NKAIN2: variants seen among roughly 807,000 people sequenced by gnomAD.
The protein encoded by NKAIN2 is sodium/potassium transporting ATPase interacting 2.
A neutral mutation model predicts 32.6 loss-of-function variants in NKAIN2; 14 were observed. The ratio of observed to expected loss-of-function variants is 0.43; its 90% CI spans 0.28 to 0.67. The LOEUF (loss-of-function observed/expected upper bound fraction) is 0.67, where lower values mean the gene tolerates loss of function less well. Ranked by LOEUF, NKAIN2 falls within the 30% of genes least tolerant of loss-of-function variation. The pLI, the probability that NKAIN2 is intolerant of heterozygous loss-of-function variation, is 0.17. For missense variants in NKAIN2, 198 were observed against 258.3 expected, an observed-to-expected ratio of 0.77 and a Z score of 1.60; for synonymous variants, 80 against 87.2, an observed-to-expected ratio of 0.92 and a Z score of 0.46.
chr6:124,629,350 A>G (rs1205473862), intron 3 of NKAIN2, among the ~76,000 whole-genome samples: 5 of 152,138 alleles, frequency 3.3e-5, no homozygotes, highest in Non-Finnish European at 4.4e-5. Flanking sequence ...TCCTAGCCCA[A>G]TGATTGACAG....
At chr6:123,983,494 AT>A (rs1244076606) in intron 1 of NKAIN2, among the ~76,000 whole-genome samples, 1 of 152,198 alleles carries the variant, frequency 6.6e-6, no homozygotes, top group Non-Finnish European at 1.5e-5. Context: ...AAAGAGACTT[AT>A]GTTTTTCATC....
At chr6:124,710,437 G>A (rs896806851) in intron 4 of NKAIN2, among the ~76,000 whole-genome samples, 133 of 150,824 alleles carry the variant, frequency 8.8e-4, no homozygotes, top group African/African-American at 3.1e-3. Flanking sequence ...GGGTGTTAAA[G>A]TCTCCCATTA....
chr6:124,453,248 C>T (rs1379659772), intron 3 of NKAIN2, among the ~76,000 whole-genome samples: 2 of 150,796 alleles, frequency 1.3e-5, no homozygotes, highest in Non-Finnish European at 3.0e-5. Context: ...ACCCCAGCTT[C>T]TTCCTTTTTT....
intron 1 of NKAIN2, among the ~76,000 whole-genome samples, chr6:124,022,284 C>G (rs1005759821): frequency 2.0e-5 from 3 of 152,082 alleles, no homozygotes; most frequent in African/African-American, 7.2e-5. Context: ...TTTCTTAATC[C>G]AGTCTATCAT....
At chr6:124,514,781 A>G (rs1177783202) in intron 3 of NKAIN2, among the ~76,000 whole-genome samples, 2 of 151,250 alleles carry the variant, frequency 1.3e-5, no homozygotes, top group Non-Finnish European at 2.9e-5. Context: ...AAAAAAAAAA[A>G]GCTCATGCCT....
chr6:124,360,496 G>A lies in NKAIN2; in HGVS notation c.273+5149G>A, dbSNP rs140377515. On this transcript the variant is annotated intron_variant, in intron 3 of 6. Transcript: ENST00000368417. ...TGATCATGTTTTCTTTGTACACATA[G>A]AGGTATAGTTAATATATTTTCTTCA... 6.6e-4 allele frequency among the ~76,000 whole-genome samples: 100 copies of A among 152,100 alleles called. 1 individual carries two copies. Among genetic ancestry groups the A allele is most frequent in the African/African-American group, 2.3e-3 (94 of 41,516 alleles).
At chr6:124,685,384 C>A (rs1457271634) in intron 4 of NKAIN2, among the ~76,000 whole-genome samples, 1 of 152,080 alleles carries the variant, frequency 6.6e-6, no homozygotes, top group Non-Finnish European at 1.5e-5. Context: ...AGTGGTTTCT[C>A]AAAATTTGAT....
chr6:124,565,462 T>A (rs932623291), intron 3 of NKAIN2, among the ~76,000 whole-genome samples: 1 of 152,228 alleles, frequency 6.6e-6, no homozygotes, highest in Non-Finnish European at 1.5e-5. Context: ...TATTGTAATG[T>A]GATATGTCGA....
At chr6:124,032,898 G>A (rs1035265343) in intron 1 of NKAIN2, among the ~76,000 whole-genome samples, 11 of 151,872 alleles carry the variant, frequency 7.2e-5, no homozygotes, top group African/African-American at 2.4e-4. Context: ...ATGTTTGTTT[G>A]CCTAATGTTC....
chr6:123,815,831 T>C (rs1773671116), intron 1 of NKAIN2, among the ~76,000 whole-genome samples: 1 of 151,922 alleles, frequency 6.6e-6, no homozygotes, highest in Non-Finnish European at 1.5e-5. Context: ...TGTGCAAGAA[T>C]GTGTGTGTGT....
At chr6:124,347,619 G>A (rs1371713424) in intron 2 of NKAIN2, among the ~76,000 whole-genome samples, 1 of 151,978 alleles carries the variant, frequency 6.6e-6, no homozygotes, top group African/African-American at 2.4e-5. Context: ...TCTTCCAGTT[G>A]ATCGCATCAG....
intron 3 of NKAIN2, among the ~76,000 whole-genome samples, chr6:124,652,774 A>T (rs1278654140): frequency 6.6e-6 from 1 of 151,986 alleles, no homozygotes. Flanking sequence ...TTTATAACAA[A>T]CCCACTTGCA....
chr6:124,537,733 A>G (rs1779770057), intron 3 of NKAIN2, among the ~76,000 whole-genome samples: 2 of 152,070 alleles, frequency 1.3e-5, no homozygotes, highest in Non-Finnish European at 2.9e-5. Context: ...ATCTTTGTAT[A>G]TTAGGCTACA....
At chr6:124,128,137 CTA>C (rs1786275221) in intron 1 of NKAIN2, among the ~76,000 whole-genome samples, 4 of 152,204 alleles carry the variant, frequency 2.6e-5, no homozygotes, top group Admixed American at 2.6e-4. Context: ...CCCATGGTTG[CTA>C]TTTTATGTGT....
At chr6:124,439,570 A>G (rs1775604368) in intron 3 of NKAIN2, among the ~76,000 whole-genome samples, 1 of 151,640 alleles carries the variant, frequency 6.6e-6, no homozygotes, top group Admixed American at 6.6e-5. Flanking sequence ...AATTATTTTA[A>G]TGTCTAGAAA....
At chr6:124,814,943 TA>T (rs1331418086) in intron 5 of NKAIN2, among the ~76,000 whole-genome samples, 2 of 151,880 alleles carry the variant, frequency 1.3e-5, no homozygotes, top group Non-Finnish European at 2.9e-5. Flanking sequence ...GCAGCAGCAA[TA>T]AAAATACTAA....
At chr6:124,341,120 A>G (rs1441456130) in intron 2 of NKAIN2, among the ~76,000 whole-genome samples, 2 of 152,180 alleles carry the variant, frequency 1.3e-5, no homozygotes, top group East Asian at 3.9e-4. Context: ...ATTTTCAGGC[A>G]TGATTTCCAA....
chr6:124,347,572 C>T (rs890481924), intron 2 of NKAIN2, among the ~76,000 whole-genome samples: 30 of 152,304 alleles, frequency 2.0e-4, no homozygotes, highest in African/African-American at 7.0e-4. Context: ...CTTCTCACTT[C>T]ATTTCATTCA....
intron 3 of NKAIN2, among the ~76,000 whole-genome samples, chr6:124,525,581 C>T (rs1382271226): frequency 2.0e-5 from 3 of 151,822 alleles, no homozygotes; most frequent in Non-Finnish European, 4.4e-5. Flanking sequence ...TTACATTATC[C>T]CATTTTATAA....
Sources: gnomAD v4.1 joint callset for allele counts (sites outside exome capture counted in the v4.1 genomes callset) on GRCh38, gnomAD v4.1.1 for gene constraint, MANE v1.5 for transcripts, NCBI Gene and HGNC (gene_info 2026-07-23, HGNC 2026-07-21) for gene names.